The following PAAF1 variants were observed in gnomAD, a reference collection of about 807,000 sequenced individuals.
PAAF1 encodes the protein proteasomal ATPase associated factor 1.
A neutral mutation model predicts 52.8 loss-of-function variants in PAAF1; 46 were observed. That is an observed-to-expected ratio of 0.87 (90% CI 0.69 to 1.11). The LOEUF (loss-of-function observed/expected upper bound fraction) is 1.11, where lower values mean the gene tolerates loss of function less well. Ranked by LOEUF, PAAF1 falls within the 50% of genes most tolerant of loss-of-function variation. The pLI is 0.00. For synonymous variants in PAAF1, 178 were observed against 172.8 expected (o/e 1.03, Z -0.24); for missense variants, 424 against 477.4 (o/e 0.89, Z 1.04).
chr11:73,910,766 G>A (rs891602465), intron 7 of PAAF1, among the ~76,000 whole-genome samples: 6 of 152,010 alleles, frequency 3.9e-5, no homozygotes, highest in African/African-American at 1.2e-4. Flanking sequence ...CGAGGCGGGC[G>A]ATTCACAAGG....
chr11:73,909,599 T>C lies in PAAF1; in HGVS notation c.727+6T>C, dbSNP rs1208669354. ...CTCCCCTGAGCAGATGCCCAGTAAG[T>C]TGATAATGATATGTAGCATTGTTTT... On this transcript the variant is annotated splice_donor_region_variant and intron_variant, in intron 7 of 11. Coordinates refer to ENST00000310571, the MANE Select transcript of PAAF1 (RefSeq NM_025155.3). The C allele has an allele frequency of 6.2e-7, 1 of 1,613,408 alleles. No homozygotes were observed. The highest frequency in any genetic ancestry group is 8.5e-7 in the Non-Finnish European group (1 of 1,179,512).
At position 73,930,379 on chromosome 11, in the gene PAAF1, A is replaced by AG. The variant is rs1190865598; in HGVS notation, c.*3017_*3018insG. 1 of 151,926 alleles carries AG rather than the reference A, an allele frequency of 6.6e-6. No homozygotes were observed. The highest frequency in any genetic ancestry group is 1.5e-5 in the Non-Finnish European group (1 of 68,084). The allele number at this position is 151,926 out of a possible 1,614,324, so 9.4% of individuals were successfully genotyped here. On this transcript the variant is annotated 3_prime_UTR_variant, in exon 12 of 12. Transcript: ENST00000310571. ...AGCGAGGCTCTATCTCAAGAAAAAA[A>AG]AAAAGAAAAAAAGAAAACAGGAAGA...
At chr11:73,912,043 AT>A (rs1949948097) in intron 7 of PAAF1, among the ~76,000 whole-genome samples, 1 of 151,462 alleles carries the variant, frequency 6.6e-6, no homozygotes, top group African/African-American at 2.4e-5. Context: ...TTTTTTTTTC[AT>A]GGCTTCTGTG....
At chr11:73,899,892 T>C (rs1361163803) in intron 5 of PAAF1, among the ~76,000 whole-genome samples, 1 of 152,188 alleles carries the variant, frequency 6.6e-6, no homozygotes, top group African/African-American at 2.4e-5. Flanking sequence ...AATCTATGGC[T>C]GAGCCTCCAA....
At chr11:73,893,244 G>C (rs1949245709) in intron 4 of PAAF1, among the ~76,000 whole-genome samples, 1 of 152,164 alleles carries the variant, frequency 6.6e-6, no homozygotes, top group South Asian at 2.1e-4. Context: ...CTTTGGGTGT[G>C]TTCTAATGCA....
intron 7 of PAAF1, among the ~76,000 whole-genome samples, chr11:73,911,789 A>T (rs188080933): frequency 6.6e-6 from 1 of 152,048 alleles, no homozygotes; most frequent in East Asian, 1.9e-4. Flanking sequence ...GCCCACCACC[A>T]TGCCTGGCTA....
chr11:73,900,577 TTTGC>T (rs1949570774), intron 6 of PAAF1, among the ~76,000 whole-genome samples, 157 bp downstream of exon 6: 1 of 152,236 alleles, frequency 6.6e-6, no homozygotes, highest in African/African-American at 2.4e-5. Flanking sequence ...CAGAAATTCC[TTTGC>T]CACACAGTCT....
intron 7 of PAAF1, among the ~76,000 whole-genome samples, chr11:73,911,622 CTT>C (rs781166373): frequency 5.0e-5 from 6 of 120,482 alleles, no homozygotes; most frequent in Non-Finnish European, 5.2e-5. Context: ...AGTGACCTTC[CTT>C]TTTTTTTTTT....
intron 7 of PAAF1, among the ~76,000 whole-genome samples, chr11:73,910,858 T>G (rs1949909560): frequency 1.3e-5 from 2 of 151,766 alleles, no homozygotes; most frequent in Non-Finnish European, 2.9e-5. Flanking sequence ...GGTGTGGTAG[T>G]GTGTGCATGT....
Position 73,927,530 on chromosome 11 carries a change from C to G in PAAF1, c.*168C>G. The G allele has an allele frequency of 1.6e-6, 1 of 636,048 alleles. No individual in the cohort carries two copies. The allele number at this position is 636,048 out of a possible 1,614,324, so 39.4% of individuals were successfully genotyped here. A position where few individuals can be genotyped will look rare whatever the true frequency, so the allele number is the denominator to read the frequency against. ...GCCGTGTGGAACTCTCATCCCAAGA[C>G]CTACTTTGAACTGAGTAAGAAGGTC... On this transcript the variant is annotated 3_prime_UTR_variant, in exon 12 of 12. Transcript: ENST00000310571.
intron 4 of PAAF1, among the ~76,000 whole-genome samples, chr11:73,895,475 G>A (rs534842621): frequency 9.2e-5 from 14 of 152,282 alleles, no homozygotes; most frequent in African/African-American, 2.6e-4. Flanking sequence ...CTTTTATTCC[G>A]AGGAAGCAAA....
At chr11:73,912,552 G>A (rs1277435951) in intron 7 of PAAF1, among the ~76,000 whole-genome samples, 2 of 151,790 alleles carry the variant, frequency 1.3e-5, no homozygotes, top group African/African-American at 4.8e-5. Flanking sequence ...GTCAACATCT[G>A]GTCCAAACTA....
intron 6 of PAAF1, among the ~76,000 whole-genome samples, chr11:73,902,413 G>A (rs1401396412): frequency 1.3e-5 from 2 of 152,196 alleles, no homozygotes; most frequent in African/African-American, 2.4e-5. Flanking sequence ...AGGAGCCAAA[G>A]TAGTCTAGAG....
intron 2 of PAAF1, among the ~76,000 whole-genome samples, chr11:73,886,526 T>C (rs1366795951): frequency 1.3e-5 from 2 of 151,694 alleles, no homozygotes; most frequent in Non-Finnish European, 2.9e-5. Flanking sequence ...ATACAAAAAA[T>C]TAGCCGACAT....
At position 73,909,354 on chromosome 11, in the gene PAAF1, C is replaced by A. The variant is rs371478961; in HGVS notation, c.533-45C>A. ...CTCCATCTTCTCTGCCCTTGTAGTT[C>A]CTTTACTCCATCCTCCATCTTAGGG... On this transcript the variant is annotated intron_variant, in intron 6 of 11. Transcript: ENST00000310571. The A allele has an allele frequency of 3.3e-5, 52 of 1,579,238 alleles. No individual in the cohort carries two copies. The African/African-American group carries it at 6.2e-4, about 19-fold the overall frequency.
At chr11:73,898,706 C>T (rs1482191851) in intron 4 of PAAF1, among the ~76,000 whole-genome samples, 2 of 151,922 alleles carry the variant, frequency 1.3e-5, no homozygotes, top group African/African-American at 2.4e-5. Flanking sequence ...CCCAGCTACT[C>T]GGGAGGCTGA....
chr11:73,898,828 CAAACAAAT>C (rs1565135885), intron 4 of PAAF1, among the ~76,000 whole-genome samples: 3 of 151,886 alleles, frequency 2.0e-5, no homozygotes, highest in South Asian at 4.1e-4. Context: ...AACAAACAAA[CAAACAAAT>C]AAATAAATGC....
chr11:73,878,936 C>A (rs1948819770), intron 2 of PAAF1, 117 bp downstream of exon 2: 1 of 915,104 alleles, frequency 1.1e-6, no homozygotes, highest in Non-Finnish European at 1.7e-6. Flanking sequence ...TGCAAACATG[C>A]TTGACCAGTC....
intron 6 of PAAF1, among the ~76,000 whole-genome samples, chr11:73,906,694 C>G (rs1344841505): frequency 6.6e-6 from 1 of 152,206 alleles, no homozygotes; most frequent in Non-Finnish European, 1.5e-5. Flanking sequence ...TTCTTAAACT[C>G]ATCTTTTTCT....
Sources: allele counts gnomAD v4.1 joint callset (sites outside exome capture counted in the v4.1 genomes callset), GRCh38; gene constraint gnomAD v4.1.1; transcripts MANE v1.5; gene names NCBI Gene and HGNC (gene_info 2026-07-23, HGNC 2026-07-21).